The following KCNIP4 variants were observed in gnomAD, a reference collection of about 807,000 sequenced individuals.
KCNIP4 encodes the protein potassium voltage-gated channel interacting protein 4.
In KCNIP4, 12 loss-of-function variants were observed where a neutral mutation model predicts 34.0. The ratio of observed to expected loss-of-function variants is 0.35; its 90% CI spans 0.23 to 0.57. The LOEUF (loss-of-function observed/expected upper bound fraction) is 0.57. Among genes scored for constraint, KCNIP4 ranks in the 20% least tolerant of loss-of-function variants. The pLI, the probability that KCNIP4 is intolerant of heterozygous loss-of-function variation, is 0.83. For missense variants in KCNIP4, 238 were observed against 311.7 expected (o/e 0.76, Z 1.78); for synonymous variants, 124 against 102.2 (o/e 1.21, Z -1.29).
At chr4:20,971,590 CTT>C (rs1312335636) in intron 1 of KCNIP4, among the ~76,000 whole-genome samples, 1 of 152,046 alleles carries the variant, frequency 6.6e-6, no homozygotes, top group African/African-American at 2.4e-5. Context: ...TTTAAAAATA[CTT>C]TACTGTTAAA....
At chr4:20,869,238 TA>T (rs1362443625) in intron 2 of KCNIP4, among the ~76,000 whole-genome samples, 30 of 152,072 alleles carry the variant, frequency 2.0e-4, no homozygotes, top group Admixed American at 6.6e-5. Flanking sequence ...CATCTATGTT[TA>T]AAAAAGCTAT....
At chr4:21,737,181 A>G (rs151027993) in intron 1 of KCNIP4, among the ~76,000 whole-genome samples, 85 of 152,220 alleles carry the variant, frequency 5.6e-4, no homozygotes, top group African/African-American at 2.0e-3. Flanking sequence ...TCATTTACCT[A>G]CCTTCAGTGT....
At chr4:21,889,764 C>T (rs968583876) in intron 1 of KCNIP4, among the ~76,000 whole-genome samples, 1 of 152,092 alleles carries the variant, frequency 6.6e-6, no homozygotes, top group African/African-American at 2.4e-5. Flanking sequence ...AGCAGAGTGG[C>T]CCAAGAAGGG....
At chr4:21,331,813 T>C (rs1715663870) in intron 1 of KCNIP4, among the ~76,000 whole-genome samples, 1 of 152,096 alleles carries the variant, frequency 6.6e-6, no homozygotes, top group Non-Finnish European at 1.5e-5. Context: ...CAGTTTCTTG[T>C]CTTTGCTGTC....
chr4:21,484,623 C>T (rs746421191), intron 1 of KCNIP4, among the ~76,000 whole-genome samples: 8 of 152,066 alleles, frequency 5.3e-5, no homozygotes, highest in Non-Finnish European at 1.2e-4. Flanking sequence ...ATTCCCGCAG[C>T]CTTTGATGCT....
At chr4:20,747,566 A>G (rs186562844) in intron 5 of KCNIP4, among the ~76,000 whole-genome samples, 1 of 152,092 alleles carries the variant, frequency 6.6e-6, no homozygotes, top group East Asian at 1.9e-4. Context: ...CTCTCCCTCC[A>G]CTAACTGCTT....
At chr4:21,402,422 A>G (rs1166801707) in intron 1 of KCNIP4, among the ~76,000 whole-genome samples, 2 of 152,236 alleles carry the variant, frequency 1.3e-5, no homozygotes, top group Non-Finnish European at 2.9e-5. Context: ...CAGAATAGGA[A>G]TAGCTCATCC....
intron 1 of KCNIP4, among the ~76,000 whole-genome samples, chr4:21,076,516 T>C (rs1745499107): frequency 6.6e-6 from 1 of 152,190 alleles, no homozygotes; most frequent in South Asian, 2.1e-4. Flanking sequence ...TCTGTGTCTC[T>C]TTTCAGCATT....
At chr4:21,691,401 C>G (rs1203271262) in intron 1 of KCNIP4, among the ~76,000 whole-genome samples, 1 of 152,132 alleles carries the variant, frequency 6.6e-6, no homozygotes, top group Non-Finnish European at 1.5e-5. Context: ...GTTCCTATCT[C>G]TTGCCTCTTC....
At chr4:20,999,385 C>T (rs1036701326) in intron 1 of KCNIP4, among the ~76,000 whole-genome samples, 6 of 148,952 alleles carry the variant, frequency 4.0e-5, no homozygotes, top group Admixed American at 1.3e-4. Flanking sequence ...TTTAGAGCAC[C>T]CAAAAAAGAG....
chr4:21,232,704 A>T (rs1758887138), intron 1 of KCNIP4, among the ~76,000 whole-genome samples: 1 of 152,216 alleles, frequency 6.6e-6, no homozygotes, highest in Non-Finnish European at 1.5e-5. Context: ...TAGAGCACAG[A>T]CCCTGTGCAA....
chr4:21,030,432 TAGC>T (rs1329340826), intron 1 of KCNIP4, among the ~76,000 whole-genome samples: 9 of 152,178 alleles, frequency 5.9e-5, no homozygotes, highest in African/African-American at 1.7e-4. Context: ...TATGTAATAA[TAGC>T]AGAAATAAAG....
intron 2 of KCNIP4, among the ~76,000 whole-genome samples, chr4:20,864,220 A>G (rs973771658): frequency 6.8e-6 from 1 of 146,844 alleles, no homozygotes; most frequent in East Asian, 2.0e-4. Flanking sequence ...GCATGTATAT[A>G]TGCATATATA....
Position 21,423,395 on chromosome 4 carries a change from A to C in KCNIP4, c.61+525176T>G, listed in dbSNP as rs185435494. Among the ~76,000 whole-genome samples, 262 of 152,324 alleles carry C rather than the reference A, an allele frequency of 1.7e-3. 2 individuals carry two copies. Among genetic ancestry groups the C allele is most frequent in the Non-Finnish European group, 1.6e-3 (108 of 68,032 alleles). On this transcript the variant is annotated intron_variant, in intron 1 of 8. Transcript: ENST00000382152. ...TCACTTAAATGAGATATAACTTCTA[A>C]ATTTCCATTTTGCTCTACTTACAGA...
chr4:21,598,483 G>A (rs1742831510), intron 1 of KCNIP4, among the ~76,000 whole-genome samples: 1 of 152,056 alleles, frequency 6.6e-6, no homozygotes, highest in South Asian at 2.1e-4. Flanking sequence ...GAGAGTGGTT[G>A]TGTGCCAATA....
intron 1 of KCNIP4, among the ~76,000 whole-genome samples, chr4:21,658,905 T>C (rs1748199306): frequency 1.3e-5 from 2 of 152,176 alleles, no homozygotes; most frequent in South Asian, 4.1e-4. Context: ...TTCTGTAAGT[T>C]TTCTCCAATA....
intron 1 of KCNIP4, among the ~76,000 whole-genome samples, chr4:20,931,914 CTA>C (rs1730514670): frequency 6.7e-6 from 1 of 148,516 alleles, no homozygotes; most frequent in African/African-American, 2.5e-5. Context: ...CTATAATAGT[CTA>C]TAACAGTCTA....
At chr4:20,742,973 A>G (rs1751509847) in intron 5 of KCNIP4, among the ~76,000 whole-genome samples, 1 of 152,094 alleles carries the variant, frequency 6.6e-6, no homozygotes, top group African/African-American at 2.4e-5. Flanking sequence ...AATTGCTTCA[A>G]AGATAATAAA....
intron 1 of KCNIP4, among the ~76,000 whole-genome samples, chr4:21,676,681 A>T (rs1173207373): frequency 3.3e-5 from 5 of 152,154 alleles, no homozygotes; most frequent in Non-Finnish European, 7.4e-5. Context: ...ATGAGATTTT[A>T]GTCTATCCTG....
Sources: gnomAD v4.1 joint callset for allele counts (sites outside exome capture counted in the v4.1 genomes callset) on GRCh38, gnomAD v4.1.1 for gene constraint, MANE v1.5 for transcripts, NCBI Gene and HGNC (gene_info 2026-07-23, HGNC 2026-07-21) for gene names.